Variants in CRCP observed in about 807,000 individuals in gnomAD.
CRCP encodes DNA-directed RNA polymerase III subunit RPC9.
A neutral mutation model predicts 18.5 loss-of-function variants in CRCP; 18 were observed. The ratio of observed to expected loss-of-function variants is 0.97; its 90% CI spans 0.67 to 1.44. The LOEUF is 1.44. Ranked by LOEUF, CRCP falls within the 40% of genes most tolerant of loss-of-function variation. CRCP has a pLI of 0.00. For missense variants in CRCP, 130 were observed against 176.4 expected (o/e 0.74, Z 1.49); for synonymous variants, 53 against 62.9 (o/e 0.84, Z 0.75).
chr7:66,146,854 A>G (rs978191891), intron 5 of CRCP, among the ~76,000 whole-genome samples: 2 of 152,242 alleles, frequency 1.3e-5, no homozygotes, highest in Non-Finnish European at 2.9e-5. Flanking sequence ...AAAAACAAAC[A>G]GAACAGCAAG....
intron 4 of CRCP, among the ~76,000 whole-genome samples, chr7:66,136,218 G>A (rs949354536): frequency 2.7e-5 from 4 of 147,214 alleles, no homozygotes; most frequent in Non-Finnish European, 6.0e-5. Flanking sequence ...AAACTAGCCC[G>A]TTTTTTTTTT....
At chr7:66,126,706 C>T in intron 1 of CRCP, 1 of 404,190 alleles carries the variant, frequency 2.5e-6, no homozygotes, top group Non-Finnish European at 4.9e-6. Context: ...TTTATCATAA[C>T]AGTTTGATGA....
intron 5 of CRCP, 56 bp downstream of exon 5, chr7:66,145,556 G>T: frequency 3.1e-6 from 5 of 1,587,690 alleles, no homozygotes; most frequent in Non-Finnish European, 4.3e-6. Flanking sequence ...ATGTAGAATG[G>T]CTGTGGTGGA....
At chr7:66,129,742 T>A (rs443807) in intron 2 of CRCP, among the ~76,000 whole-genome samples, 1 of 152,102 alleles carries the variant, frequency 6.6e-6, no homozygotes, top group Non-Finnish European at 1.5e-5. Context: ...CTTTGCTAGG[T>A]GTTTGGGTGT....
At chr7:66,122,626 T>C (rs1787479746) in intron 1 of CRCP, among the ~76,000 whole-genome samples, 1 of 151,588 alleles carries the variant, frequency 6.6e-6, no homozygotes. Context: ...AGTATAGATT[T>C]AGACAGTTGT....
intron 5 of CRCP, among the ~76,000 whole-genome samples, chr7:66,145,902 G>A (rs1788278019): frequency 6.6e-6 from 1 of 152,168 alleles, no homozygotes; most frequent in Admixed American, 6.5e-5. Flanking sequence ...TGGGTGAGGG[G>A]AGCATGTGTG....
chr7:66,150,058 A>G (rs1160113902), intron 5 of CRCP, among the ~76,000 whole-genome samples: 20 of 151,818 alleles, frequency 1.3e-4, no homozygotes, highest in African/African-American at 4.6e-4. Context: ...CGCCCACCTC[A>G]GCCTCCCAAA....
chr7:66,123,858 C>G (rs1434217076), intron 1 of CRCP, among the ~76,000 whole-genome samples: 1 of 149,558 alleles, frequency 6.7e-6, no homozygotes, highest in Non-Finnish European at 1.5e-5. Flanking sequence ...CGAGACCATC[C>G]TGGCTAACAT....
At position 66,145,434 on chromosome 7, in the gene CRCP, C is replaced by T. The variant is rs1788265091; in HGVS notation, c.240-9C>T. ...TGCGAGTTGTCAACGCTGTACTTTCCCTCCACAGAGCTGAGAAGCTCCAGC... is the reference window on the plus strand; with the variant it reads ...TGCGAGTTGTCAACGCTGTACTTTCTCTCCACAGAGCTGAGAAGCTCCAGC... On this transcript the variant is annotated splice_polypyrimidine_tract_variant and intron_variant, in intron 4 of 5. Coordinates refer to ENST00000395326, the MANE Select transcript of CRCP (RefSeq NM_014478.5). 1 of 1,613,608 alleles carries T rather than the reference C, an allele frequency of 6.2e-7. No individual in the cohort carries two copies. The highest frequency in any genetic ancestry group is 1.3e-5 in the African/African-American group (1 of 74,926).
chr7:66,131,097 C>G (rs1026877975), intron 3 of CRCP, among the ~76,000 whole-genome samples: 5 of 152,150 alleles, frequency 3.3e-5, no homozygotes, highest in Admixed American at 6.6e-5. Context: ...GCCTCAGCCT[C>G]CCGAGTAGCT....
chr7:66,152,332 C>T lies in CRCP; in HGVS notation c.422C>T (p.Ala141Val). 1 of 1,614,064 alleles carries T rather than the reference C, an allele frequency of 6.2e-7. No individual in the cohort carries two copies. Among genetic ancestry groups the T allele is most frequent in the Non-Finnish European group, 8.5e-7 (1 of 1,180,016 alleles). The change falls in exon 6 of 6, where the codon GCA becomes GTA. Residue 141 changes from alanine to valine, a missense_variant. By Grantham distance (64) the Ala-to-Val change is moderately conservative. Coordinates refer to ENST00000395326, the MANE Select transcript of CRCP (RefSeq NM_014478.5). ...AAGAAGAATACAAACAGCAATGTGG[C>T]AATGGACGAAGAGGACCCAGCATAG... ...EQKKNTNSNV[A>V]MDEEDPA
chr7:66,136,575 G>A (rs1381307360), intron 4 of CRCP, among the ~76,000 whole-genome samples: 2 of 151,418 alleles, frequency 1.3e-5, no homozygotes, highest in African/African-American at 4.9e-5. Context: ...TATTGGCCAG[G>A]CTGGTCTTGA....
intron 1 of CRCP, among the ~76,000 whole-genome samples, chr7:66,122,141 C>T (rs987729773): frequency 2.0e-4 from 31 of 152,136 alleles, no homozygotes; most frequent in Non-Finnish European, 3.5e-4. Flanking sequence ...TTTGGGAGGC[C>T]GAGGTGGGTG....
chr7:66,120,739 AAACACAG>A (rs1201522481), intron 1 of CRCP: 1 of 152,190 alleles, frequency 6.6e-6, no homozygotes, highest in East Asian at 1.9e-4. Flanking sequence ...ATCTGCAACC[AAACACAG>A]AGAATGAAAA....
At chr7:66,142,965 CTT>C (rs899162444) in intron 4 of CRCP, among the ~76,000 whole-genome samples, 1 of 152,180 alleles carries the variant, frequency 6.6e-6, no homozygotes, top group Non-Finnish European at 1.5e-5. Context: ...ACTAGACACA[CTT>C]TTTGACAGAA....
At chr7:66,149,967 C>T (rs1788407995) in intron 5 of CRCP, among the ~76,000 whole-genome samples, 1 of 152,060 alleles carries the variant, frequency 6.6e-6, no homozygotes, top group Non-Finnish European at 1.5e-5. Context: ...CTGCCACGCC[C>T]AGCTAATTTT....
chr7:66,123,791 G>A (rs1787525440), intron 1 of CRCP, among the ~76,000 whole-genome samples: 1 of 150,584 alleles, frequency 6.6e-6, no homozygotes, highest in African/African-American at 2.4e-5. Flanking sequence ...AGTGGCTGAG[G>A]CCTGTAATCC....
chr7:66,126,774 T>G (rs1787629148), intron 1 of CRCP: 1 of 316,834 alleles, frequency 3.2e-6, no homozygotes, highest in South Asian at 2.6e-5. Context: ...ATAATGTTGG[T>G]GCTTATTGAG....
intron 3 of CRCP, among the ~76,000 whole-genome samples, chr7:66,131,106 C>G (rs1787789542): frequency 6.6e-6 from 1 of 152,140 alleles, no homozygotes; most frequent in Non-Finnish European, 1.5e-5. Flanking sequence ...TCCCGAGTAG[C>G]TGGGACTGCA....
Sources: gnomAD v4.1 joint callset for allele counts (sites outside exome capture counted in the v4.1 genomes callset) on GRCh38, gnomAD v4.1.1 for gene constraint, MANE v1.5 for transcripts, NCBI Gene and HGNC (gene_info 2026-07-23, HGNC 2026-07-21) for gene names.